The following TAFA1 variants were observed in gnomAD, a reference collection of about 807,000 sequenced individuals.
TAFA1 encodes the protein TAFA chemokine like family member 1.
A neutral mutation model predicts 18.5 loss-of-function variants in TAFA1; 4 were observed. The ratio of observed to expected loss-of-function variants is 0.22; its 90% confidence interval spans 0.11 to 0.49. The LOEUF (loss-of-function observed/expected upper bound fraction) is 0.49. Among genes scored for constraint, TAFA1 ranks in the 20% least tolerant of loss-of-function variants. The pLI, the probability that TAFA1 is intolerant of heterozygous loss-of-function variation, is 0.98. For missense variants in TAFA1, 147 were observed against 169.0 expected, an observed-to-expected ratio of 0.87 and a Z score of 0.72; for synonymous variants, 56 against 55.2, an observed-to-expected ratio of 1.01 and a Z score of -0.06.
At chr3:68,193,774 G>T (rs1426284366) in intron 2 of TAFA1, among the ~76,000 whole-genome samples, 4 of 151,598 alleles carry the variant, frequency 2.6e-5, no homozygotes, top group Non-Finnish European at 5.9e-5. Context: ...GGTCTCTTCT[G>T]TATCTATCAT....
At chr3:68,283,486 A>G (rs1363243579) in intron 2 of TAFA1, among the ~76,000 whole-genome samples, 2 of 152,196 alleles carry the variant, frequency 1.3e-5, no homozygotes, top group Non-Finnish European at 2.9e-5. Flanking sequence ...TCATTCTTGT[A>G]AGATAAAACA....
chr3:68,179,970 T>C (rs1466532654), intron 2 of TAFA1, among the ~76,000 whole-genome samples: 2 of 151,074 alleles, frequency 1.3e-5, no homozygotes, highest in African/African-American at 2.4e-5. Context: ...ACACCAAATT[T>C]TGACGCTTGC....
intron 2 of TAFA1, among the ~76,000 whole-genome samples, chr3:68,160,845 G>C (rs2065916875): frequency 6.6e-6 from 1 of 152,132 alleles, no homozygotes; most frequent in East Asian, 1.9e-4. Flanking sequence ...GTCAGGTCTG[G>C]CTAACCGCAG....
chr3:68,524,687 T>C (rs935844085), intron 3 of TAFA1, among the ~76,000 whole-genome samples: 3 of 152,050 alleles, frequency 2.0e-5, no homozygotes, highest in Non-Finnish European at 4.4e-5. Flanking sequence ...TTGTTTTTTT[T>C]TGAGACTGAG....
At chr3:68,089,578 C>A (rs189962932) in intron 2 of TAFA1, among the ~76,000 whole-genome samples, 3 of 152,204 alleles carry the variant, frequency 2.0e-5, no homozygotes, top group South Asian at 4.1e-4. Context: ...TGGAGGCATG[C>A]GGGTTATTAA....
At chr3:68,085,018 A>G (rs6781549) in intron 2 of TAFA1, among the ~76,000 whole-genome samples, 20,594 of 152,144 alleles carry the variant, frequency 0.14, 1,604 homozygotes, top group East Asian at 0.37. Context: ...CTCGTTATCC[A>G]TGCATCAGTA....
intron 3 of TAFA1, among the ~76,000 whole-genome samples, chr3:68,478,287 A>C (rs2072143816): frequency 6.6e-6 from 1 of 152,204 alleles, no homozygotes; most frequent in African/African-American, 2.4e-5. Context: ...GTGCATATTT[A>C]TGTGGTCTGC....
At chr3:68,226,638 T>C (rs1474627677) in intron 2 of TAFA1, among the ~76,000 whole-genome samples, 2 of 152,208 alleles carry the variant, frequency 1.3e-5, no homozygotes, top group African/African-American at 2.4e-5. Flanking sequence ...ATGTTCATTG[T>C]GTAACACATT....
At chr3:68,219,393 G>T (rs2066702726) in intron 2 of TAFA1, among the ~76,000 whole-genome samples, 1 of 152,114 alleles carries the variant, frequency 6.6e-6, no homozygotes. Flanking sequence ...AACTCACAGT[G>T]CTTAAAAAGT....
In TAFA1 at chr3:68,131,040, A is replaced by G. The variant is rs1451611375; in HGVS notation, c.118+124296A>G. Among the ~76,000 whole-genome samples, 3 of 152,114 alleles carry G rather than the reference A, an allele frequency of 2.0e-5. No individual in the cohort carries two copies. The East Asian group carries it at 5.8e-4, about 29-fold the overall frequency. On this transcript the variant is annotated intron_variant, in intron 2 of 4. Coordinates refer to ENST00000478136, the MANE Select transcript of TAFA1 (RefSeq NM_213609.4). ...CGACTTCACCATTTCATCCTTAGTA[A>G]CTGGATAATGCATGGCATATAGTGG...
intron 2 of TAFA1, among the ~76,000 whole-genome samples, chr3:68,222,589 G>C (rs963433566): frequency 6.6e-6 from 1 of 152,166 alleles, no homozygotes; most frequent in African/African-American, 2.4e-5. Flanking sequence ...CAATGTGGCA[G>C]ATTAAACATA....
At chr3:68,138,364 G>T (rs2065631752) in intron 2 of TAFA1, among the ~76,000 whole-genome samples, 1 of 152,178 alleles carries the variant, frequency 6.6e-6, no homozygotes, top group South Asian at 2.1e-4. Context: ...AAGTCACCAG[G>T]AGCACTGCAA....
intron 2 of TAFA1, among the ~76,000 whole-genome samples, chr3:68,172,036 G>A (rs958993762): frequency 6.6e-6 from 1 of 152,098 alleles, no homozygotes; most frequent in East Asian, 1.9e-4. Flanking sequence ...GGGGAAGAAA[G>A]AAATTTGAAG....
chr3:68,070,144 G>C (rs72920745), intron 2 of TAFA1, among the ~76,000 whole-genome samples: 5,573 of 152,300 alleles, frequency 0.037, 322 homozygotes, highest in African/African-American at 0.13. Context: ...TGCATTAGCA[G>C]AGGTTTTCCA....
intron 2 of TAFA1, among the ~76,000 whole-genome samples, chr3:68,115,981 A>G (rs1575624558): frequency 6.6e-6 from 1 of 152,140 alleles, no homozygotes; most frequent in East Asian, 1.9e-4. Flanking sequence ...TCTGGGCTGG[A>G]CACGGTGGCT....
At chr3:68,155,032 AACAAACCAGTTACG>A (rs2065850671) in intron 2 of TAFA1, among the ~76,000 whole-genome samples, 2 of 152,214 alleles carry the variant, frequency 1.3e-5, no homozygotes, top group Admixed American at 6.5e-5. Context: ...CCAGTTAATC[AACAAACCAGTTACG>A]TCAGGCCCAT....
At chr3:68,168,735 A>T (rs1457867625) in intron 2 of TAFA1, among the ~76,000 whole-genome samples, 1 of 152,228 alleles carries the variant, frequency 6.6e-6, no homozygotes, top group Non-Finnish European at 1.5e-5. Context: ...TGACCTCAGC[A>T]ATTCAAATGT....
chr3:68,285,243 A>T (rs2067974979), intron 2 of TAFA1, among the ~76,000 whole-genome samples: 4 of 152,222 alleles, frequency 2.6e-5, no homozygotes, highest in African/African-American at 9.6e-5. Context: ...TGCTGGTAGA[A>T]GTCAGAATAG....
intron 3 of TAFA1, among the ~76,000 whole-genome samples, chr3:68,439,478 C>T (rs1017018730): frequency 7.2e-6 from 1 of 138,160 alleles, no homozygotes; most frequent in Non-Finnish European, 1.5e-5. Flanking sequence ...CACACAATCA[C>T]AAGGCCTTAC....
Sources: gnomAD v4.1 joint callset for allele counts (sites outside exome capture counted in the v4.1 genomes callset) on GRCh38, gnomAD v4.1.1 for gene constraint, MANE v1.5 for transcripts, NCBI Gene and HGNC (gene_info 2026-07-23, HGNC 2026-07-21) for gene names.